The following SMAP1 variants were observed in gnomAD, a reference collection of about 807,000 sequenced individuals.
The protein encoded by SMAP1 is stromal membrane-associated protein 1.
In SMAP1, 24 loss-of-function variants were observed where a neutral mutation model predicts 58.5. That is an observed-to-expected ratio of 0.41 (90% CI 0.30 to 0.58). The LOEUF is 0.58. Among genes scored for constraint, SMAP1 ranks in the 20% least tolerant of loss-of-function variants. The pLI, the probability that SMAP1 is intolerant of heterozygous loss-of-function variation, is 0.29. For missense variants in SMAP1, 563 were observed against 566.3 expected (o/e 0.99, Z 0.06); for synonymous variants, 216 against 196.6 (o/e 1.10, Z -0.82).
intron 2 of SMAP1, among the ~76,000 whole-genome samples, chr6:70,750,278 A>G (rs1356937768): frequency 3.3e-5 from 5 of 152,294 alleles, no homozygotes; most frequent in African/African-American, 1.2e-4. Flanking sequence ...GAAATCTCCT[A>G]TTACATTTGC....
At chr6:70,746,947 T>A (rs1160529651) in intron 2 of SMAP1, among the ~76,000 whole-genome samples, 1 of 152,234 alleles carries the variant, frequency 6.6e-6, no homozygotes, top group Non-Finnish European at 1.5e-5. Flanking sequence ...AGTCCCCCTA[T>A]AGAGTACAGG....
intron 6 of SMAP1, among the ~76,000 whole-genome samples, chr6:70,810,330 T>C (rs1769333510): frequency 6.6e-6 from 1 of 152,064 alleles, no homozygotes; most frequent in Admixed American, 6.6e-5. Flanking sequence ...TTTTTGATAG[T>C]CTCTTTCTTC....
intron 7 of SMAP1, among the ~76,000 whole-genome samples, chr6:70,846,116 CTGG>C: frequency 6.6e-6 from 1 of 152,292 alleles, no homozygotes; most frequent in Non-Finnish European, 1.5e-5. Context: ...GCTAAATGTG[CTGG>C]TGGTAAGTAG....
intron 5 of SMAP1, among the ~76,000 whole-genome samples, chr6:70,796,521 A>T (rs916230798): frequency 6.6e-6 from 1 of 152,266 alleles, no homozygotes; most frequent in African/African-American, 2.4e-5. Context: ...GAAGCACTTA[A>T]TAAGTGGTAG....
intron 4 of SMAP1, among the ~76,000 whole-genome samples, chr6:70,788,283 C>T (rs1170339968): frequency 2.5e-5 from 3 of 121,246 alleles, no homozygotes; most frequent in African/African-American, 6.6e-5. Flanking sequence ...GGGAACATCA[C>T]ACTCTGGGGA....
chr6:70,763,903 T>C (rs892559483), intron 3 of SMAP1, among the ~76,000 whole-genome samples: 3 of 152,018 alleles, frequency 2.0e-5, no homozygotes, highest in Non-Finnish European at 2.9e-5. Context: ...GGTTGAGTCA[T>C]GAGTTTGTGT....
intron 1 of SMAP1, among the ~76,000 whole-genome samples, chr6:70,674,432 G>A (rs964834477): frequency 6.6e-5 from 10 of 152,038 alleles, no homozygotes; most frequent in Non-Finnish European, 1.5e-4. Flanking sequence ...TATTTCAAAC[G>A]CTTCTACTAA....
chr6:70,702,528 T>G (rs1305636835), intron 1 of SMAP1, among the ~76,000 whole-genome samples: 1 of 152,226 alleles, frequency 6.6e-6, no homozygotes, highest in African/African-American at 2.4e-5. Flanking sequence ...TCATTATAGT[T>G]TGCATCTTAT....
chr6:70,745,640 T>A (rs1765999269), intron 2 of SMAP1, among the ~76,000 whole-genome samples: 1 of 152,202 alleles, frequency 6.6e-6, no homozygotes, highest in African/African-American at 2.4e-5. Flanking sequence ...TTGCTTAGGA[T>A]TGTCTTGGCA....
At chr6:70,724,826 T>C (rs1768693899) in intron 1 of SMAP1, among the ~76,000 whole-genome samples, 1 of 152,074 alleles carries the variant, frequency 6.6e-6, no homozygotes, top group Non-Finnish European at 1.5e-5. Flanking sequence ...AAAGGAATAT[T>C]TTAAAGAACT....
chr6:70,791,459 A>C (rs377617790), intron 4 of SMAP1, among the ~76,000 whole-genome samples: 1 of 152,176 alleles, frequency 6.6e-6, no homozygotes, highest in African/African-American at 2.4e-5. Context: ...ATCCTAGTAA[A>C]ATCCATTTTA....
At chr6:70,857,158 C>T in intron 9 of SMAP1, 128 bp downstream of exon 9, 1 of 929,244 alleles carries the variant, frequency 1.1e-6, no homozygotes, top group Non-Finnish European at 1.5e-6. Context: ...GCAGTTTATA[C>T]AACTATGAAG....
chr6:70,783,672 C>T (rs139620716), intron 4 of SMAP1, among the ~76,000 whole-genome samples: 2,941 of 151,976 alleles, frequency 0.019, 116 homozygotes, highest in Admixed American at 0.09. Flanking sequence ...CCTCAGGAGC[C>T]GATGCGATCA....
chr6:70,718,620 G>A (rs1452083761), intron 1 of SMAP1, among the ~76,000 whole-genome samples: 1 of 152,042 alleles, frequency 6.6e-6, no homozygotes, highest in Non-Finnish European at 1.5e-5. Flanking sequence ...AGGAGTTGGA[G>A]ACCAGCCTGG....
chr6:70,832,352 T>G (rs928452782), intron 6 of SMAP1, among the ~76,000 whole-genome samples: 3 of 152,196 alleles, frequency 2.0e-5, no homozygotes, highest in African/African-American at 7.2e-5. Flanking sequence ...CTTGATTTAC[T>G]GGTGATAGTA....
At chr6:70,786,477 A>G (rs1266152612) in intron 4 of SMAP1, among the ~76,000 whole-genome samples, 3 of 37,930 alleles carry the variant, frequency 7.9e-5, no homozygotes, top group African/African-American at 3.0e-4. Flanking sequence ...AGAAGGAAAT[A>G]AAGGGTTATT....
intron 1 of SMAP1, among the ~76,000 whole-genome samples, chr6:70,687,622 A>G (rs1766987217): frequency 6.6e-6 from 1 of 152,198 alleles, no homozygotes; most frequent in Admixed American, 6.5e-5. Context: ...AAACATACAT[A>G]GAGAAACTAT....
chr6:70,722,754 T>A (rs564217529), intron 1 of SMAP1, among the ~76,000 whole-genome samples: 77 of 152,390 alleles, frequency 5.1e-4, no homozygotes, highest in Non-Finnish European at 9.7e-4. Context: ...AGCAGGAACA[T>A]GTCCTTAAGG....
Position 70,737,667 on chromosome 6 carries a change from G to A in SMAP1, c.252+5156G>A, listed in dbSNP as rs141638141. Among the ~76,000 whole-genome samples the A allele has an allele frequency of 9.8e-4, 149 of 152,248 alleles. 1 individual carries two copies. Among genetic ancestry groups the A allele is most frequent in the African/African-American group, 3.6e-3 (148 of 41,542 alleles). On this transcript the variant is annotated intron_variant, in intron 2 of 10. Transcript: ENST00000370455. ...TATGTGTCTTTGTAGTGCTGTGGTG[G>A]CTTCCACTATGCTAGGAACACAGTA...
Sources: allele counts gnomAD v4.1 joint callset (sites outside exome capture counted in the v4.1 genomes callset), GRCh38; gene constraint gnomAD v4.1.1; transcripts MANE v1.5; gene names NCBI Gene and HGNC (gene_info 2026-07-23, HGNC 2026-07-21).